PVT1: variants seen among roughly 807,000 people sequenced by gnomAD.
PVT1 encodes the protein CXCR4/PVT1 fusion.
intron 2 of PVT1, among the ~76,000 whole-genome samples, chr8:127,829,903 C>G (rs918743510): frequency 1.3e-5 from 2 of 152,198 alleles, no homozygotes; most frequent in Non-Finnish European, 2.9e-5. Context: ...AAAATAATCT[C>G]TTCTTGCCTC....
intron 3 of PVT1, among the ~76,000 whole-genome samples, chr8:127,895,862 T>C (rs1586425971): frequency 6.6e-6 from 1 of 152,212 alleles, no homozygotes; most frequent in East Asian, 1.9e-4. Flanking sequence ...CAGTTCTGCC[T>C]TTGTATCTGG....
chr8:128,026,690 C>T (rs1304371301), intron 4 of PVT1, among the ~76,000 whole-genome samples: 1 of 152,232 alleles, frequency 6.6e-6, no homozygotes, highest in Non-Finnish European at 1.5e-5. Flanking sequence ...GCTGTTCCAG[C>T]TCTGCTGATC....
Position 127,865,819 on chromosome 8 carries a change from G to A in PVT1, n.373-24770G>A, listed in dbSNP as rs148770907. On this transcript the variant is annotated intron_variant and non_coding_transcript_variant, in intron 2 of 10. Coordinates refer to ENST00000651587, the Ensembl canonical transcript of PVT1. ...GGCGCAGCATTTGATGGCCAGCCTG[G>A]CATCCAGCCTGTGGGGAGTGGGAGC... is the stretch of plus-strand genomic sequence containing the variant. Among the ~76,000 whole-genome samples the A allele has an allele frequency of 1.7e-3, 257 of 152,322 alleles. 6 individuals are homozygous for A. The South Asian group carries it at 0.018, about 11-fold the overall frequency.
intron 2 of PVT1, among the ~76,000 whole-genome samples, chr8:127,890,081 C>G (rs569146462): frequency 6.6e-6 from 1 of 152,232 alleles, no homozygotes; most frequent in Non-Finnish European, 1.5e-5. Flanking sequence ...TAGGCCCTGC[C>G]CTGAAGAGGC....
chr8:128,078,492 T>C (rs1486692164), intron 5 of PVT1, among the ~76,000 whole-genome samples: 1 of 152,220 alleles, frequency 6.6e-6, no homozygotes, highest in African/African-American at 2.4e-5. Flanking sequence ...CCCAGATTAC[T>C]TAGAACTTAG....
chr8:127,866,084 G>T (rs949863402), intron 2 of PVT1, among the ~76,000 whole-genome samples: 12 of 151,314 alleles, frequency 7.9e-5, no homozygotes, highest in Admixed American at 2.6e-4. Flanking sequence ...TGGCGTGTTG[G>T]TGCATTAGGG....
At chr8:128,001,470 G>A (rs1318365357) in intron 4 of PVT1, among the ~76,000 whole-genome samples, 1 of 152,134 alleles carries the variant, frequency 6.6e-6, no homozygotes, top group East Asian at 1.9e-4. Flanking sequence ...CCGGTGCCCA[G>A]CTGCCCAAGG....
intron 5 of PVT1, among the ~76,000 whole-genome samples, chr8:128,089,938 C>T (rs1814329781): frequency 6.6e-6 from 1 of 152,210 alleles, no homozygotes; most frequent in African/African-American, 2.4e-5. Flanking sequence ...GTACCATAAA[C>T]CCTTTTGGCA....
chr8:128,026,184 C>T (rs1020668168), intron 4 of PVT1, among the ~76,000 whole-genome samples: 18 of 152,318 alleles, frequency 1.2e-4, no homozygotes, highest in African/African-American at 4.3e-4. Flanking sequence ...CTCAAGTGAT[C>T]CATCTGCCTC....
intron 3 of PVT1, among the ~76,000 whole-genome samples, chr8:127,892,083 C>T (rs897982554): frequency 3.9e-5 from 6 of 152,206 alleles, no homozygotes; most frequent in Non-Finnish European, 8.8e-5. Context: ...ATGTGGCGGC[C>T]AAGACCACAG....
Position 128,094,552 on chromosome 8 carries a change from T to A in PVT1, n.1115-1966T>A, listed in dbSNP as rs149036875. 6.7e-3 allele frequency among the ~76,000 whole-genome samples: 1,018 copies of A among 152,370 alleles called. 16 individuals carry two copies. The highest frequency in any genetic ancestry group is 0.023 in the African/African-American group (977 of 41,586). ...CCCAGAAAACCAAAATATTTACTAC[T>A]TGGCCCATTACAAAAAAATTTTGTG... On this transcript the variant is annotated intron_variant and non_coding_transcript_variant, in intron 5 of 10. Coordinates refer to ENST00000651587, the Ensembl canonical transcript of PVT1.
Position 128,048,889 on chromosome 8 carries a change from G to A in PVT1, n.913-21271G>A, listed in dbSNP as rs1478668962. ...ATCCTTCCCAGGGAAAAATCCCCAT[G>A]CCAAGTCAGAAGAGGTTATAATTTG... is the stretch of plus-strand genomic sequence containing the variant. On this transcript the variant is annotated intron_variant and non_coding_transcript_variant, in intron 4 of 10. Coordinates refer to ENST00000651587, the Ensembl canonical transcript of PVT1. Among the ~76,000 whole-genome samples, 3 of 152,344 alleles carry A rather than the reference G, an allele frequency of 2.0e-5. No homozygotes were observed. In the East Asian group the frequency reaches 5.8e-4, roughly 29 times the overall value.
chr8:128,021,515 G>T (rs538215401), intron 4 of PVT1, among the ~76,000 whole-genome samples: 2 of 151,926 alleles, frequency 1.3e-5, no homozygotes, highest in Non-Finnish European at 2.9e-5. Flanking sequence ...GGATGGTCTT[G>T]ATCTCCTGAC....
Position 127,982,795 on chromosome 8 carries a change from G to A in PVT1, n.783-6367G>A, listed in dbSNP as rs548321756. ...TATACAAAGTTTTCCAATGAAGACT[G>A]CCAACCCTCATGTCCCCAGACCCCT... On this transcript the variant is annotated intron_variant and non_coding_transcript_variant, in intron 3 of 10. Transcript: ENST00000651587. Among the ~76,000 whole-genome samples the A allele has an allele frequency of 9.9e-5, 15 of 152,252 alleles. No homozygotes were observed. The East Asian group carries it at 2.9e-3, about 29-fold the overall frequency.
At chr8:127,864,122 C>G (rs901448861) in intron 2 of PVT1, among the ~76,000 whole-genome samples, 7 of 152,262 alleles carry the variant, frequency 4.6e-5, no homozygotes, top group African/African-American at 1.7e-4. Flanking sequence ...CAATCAAGCT[C>G]CAGGCCAGAG....
rs138552514 is a variant in PVT1 at position 127,908,817 on chromosome 8, A to AG, written n.782+17822dup. Among the ~76,000 whole-genome samples the AG allele has an allele frequency of 6.0e-3, 916 of 152,280 alleles. 17 individuals are homozygous for AG. The highest frequency in any genetic ancestry group is 0.021 in the African/African-American group (871 of 41,558). On this transcript the variant is annotated intron_variant and non_coding_transcript_variant, in intron 3 of 10. Coordinates refer to ENST00000651587, the Ensembl canonical transcript of PVT1. ...AAGGTGTCTGAACTATCGTAGCAGT[A>AG]GGGTCCCTGCCACAGGGAGGTGAGG...
chr8:127,832,580 C>T lies in PVT1; in HGVS notation n.372+36509C>T, dbSNP rs191183979. On this transcript the variant is annotated intron_variant and non_coding_transcript_variant, in intron 2 of 10. Coordinates refer to ENST00000651587, the Ensembl canonical transcript of PVT1. ...AAGAGATCAAATTCATGCACATGGC[C>T]GGGTGTGGTGGCTCACGCCTGTAAT... 3.3e-4 allele frequency among the ~76,000 whole-genome samples: 50 copies of T among 152,314 alleles called. 1 individual carries two copies. Among genetic ancestry groups the T allele is most frequent in the African/African-American group, 8.7e-4 (36 of 41,576 alleles).
At chr8:128,008,655 G>T (rs1398837861) in intron 4 of PVT1, among the ~76,000 whole-genome samples, 1 of 152,120 alleles carries the variant, frequency 6.6e-6, no homozygotes, top group African/African-American at 2.4e-5. Flanking sequence ...ATGTCTCTAC[G>T]GATGCATCTC....
chr8:127,915,678 T>C (rs1185754241), intron 3 of PVT1, among the ~76,000 whole-genome samples: 1 of 151,572 alleles, frequency 6.6e-6, no homozygotes, highest in East Asian at 1.9e-4. Context: ...ACTGGTGGAT[T>C]CTATAGAGAT....
Sources: gnomAD v4.1 joint callset for allele counts (sites outside exome capture counted in the v4.1 genomes callset) on GRCh38, gnomAD v4.1.1 for gene constraint, MANE v1.5 for transcripts, NCBI Gene and HGNC (gene_info 2026-07-23, HGNC 2026-07-21) for gene names.